Variants in RIMBP2 observed in about 807,000 individuals in gnomAD.
RIMBP2 encodes RIMS-binding protein 2.
Under a neutral mutation model 118.6 loss-of-function variants are expected in RIMBP2, and 48 were observed. The observed-to-expected ratio is 0.40, with a 90% CI of 0.32 to 0.51. The LOEUF is 0.51. RIMBP2 is among the 20% of genes least tolerant of loss of function. The probability of loss-of-function intolerance (pLI) is 0.41; values close to 1 mark genes in which losing one functional copy is unlikely to be tolerated. For missense variants in RIMBP2, 1,551 were observed against 1,768.3 expected (o/e 0.88, Z 2.20); for synonymous variants, 762 against 742.9 (o/e 1.03, Z -0.42).
intron 4 of RIMBP2, among the ~76,000 whole-genome samples, chr12:130,498,899 A>T (rs1382346089): frequency 6.6e-6 from 1 of 152,160 alleles, no homozygotes; most frequent in African/African-American, 2.4e-5. Flanking sequence ...CAAATCACTA[A>T]TCTCAGCCAC....
At chr12:130,639,132 A>C (rs1336598056) in intron 1 of RIMBP2, among the ~76,000 whole-genome samples, 1 of 152,172 alleles carries the variant, frequency 6.6e-6, no homozygotes, top group Non-Finnish European at 1.5e-5. Context: ...TCACGCCTGT[A>C]ATCCCAGCAC....
intron 7 of RIMBP2, among the ~76,000 whole-genome samples, chr12:130,455,969 A>C (rs192497473): frequency 1.3e-5 from 2 of 152,188 alleles, no homozygotes; most frequent in Admixed American, 1.3e-4. Flanking sequence ...TCTAAGCAGG[A>C]CTGTGATGGG....
chr12:130,714,842 G>A (rs1300934738), intron 1 of RIMBP2, among the ~76,000 whole-genome samples: 3 of 152,206 alleles, frequency 2.0e-5, no homozygotes, highest in East Asian at 3.9e-4. Flanking sequence ...AGCCCAGCGG[G>A]GGATGAGTCT....
chr12:130,455,978 G>C (rs1469760104), intron 7 of RIMBP2, among the ~76,000 whole-genome samples: 1 of 152,180 alleles, frequency 6.6e-6, no homozygotes, highest in African/African-American at 2.4e-5. Flanking sequence ...GACTGTGATG[G>C]GCGAGGGCTC....
intron 2 of RIMBP2, among the ~76,000 whole-genome samples, chr12:130,615,093 TATATGTGTATTATGTATATATAC>T (rs1303470338): frequency 2.1e-4 from 31 of 147,736 alleles, no homozygotes; most frequent in Non-Finnish European, 4.2e-4. Flanking sequence ...TGTATGTGTA[TATATGTGTATTATGTATATATAC>T]ATATGTGTAT....
intron 2 of RIMBP2, among the ~76,000 whole-genome samples, chr12:130,628,035 C>T (rs1048313695): frequency 2.6e-5 from 4 of 152,190 alleles, no homozygotes; most frequent in Admixed American, 6.5e-5. Context: ...CCTGAATGAA[C>T]TGCCCTGTCC....
intron 4 of RIMBP2, among the ~76,000 whole-genome samples, chr12:130,481,937 AC>A (rs2082050175): frequency 3.6e-5 from 1 of 27,684 alleles, no homozygotes; most frequent in Non-Finnish European, 1.3e-4. Flanking sequence ...CCAAGCCGCC[AC>A]CACCACCACC....
At chr12:130,618,486 T>C (rs1014519642) in intron 2 of RIMBP2, among the ~76,000 whole-genome samples, 1 of 152,060 alleles carries the variant, frequency 6.6e-6, no homozygotes, top group Non-Finnish European at 1.5e-5. Context: ...CAGTCTTAGG[T>C]TTCTCGCCCT....
intron 1 of RIMBP2, among the ~76,000 whole-genome samples, chr12:130,654,541 C>T (rs1400350506): frequency 6.6e-6 from 1 of 152,224 alleles, no homozygotes; most frequent in African/African-American, 2.4e-5. Context: ...AACAATTCCT[C>T]ACCTTCCTGT....
chr12:130,559,071 T>A (rs1350582435), intron 2 of RIMBP2, among the ~76,000 whole-genome samples: 1 of 152,194 alleles, frequency 6.6e-6, no homozygotes, highest in Non-Finnish European at 1.5e-5. Context: ...TGTATGTATT[T>A]ATGGGGTACA....
At chr12:130,405,511 G>C (rs1378113970) in intron 21 of RIMBP2, among the ~76,000 whole-genome samples, 32 of 152,184 alleles carry the variant, frequency 2.1e-4, no homozygotes, top group Admixed American at 2.0e-3. Context: ...TCTGGTCAGG[G>C]AGGGGCAGCT....
In RIMBP2 at chr12:130,446,850, T is replaced by C. The variant is rs1458854715; in HGVS notation, c.582-1581A>G. Among the ~76,000 whole-genome samples the C allele has an allele frequency of 1.3e-5, 2 of 150,296 alleles. No homozygotes were observed. Among genetic ancestry groups the C allele is most frequent in the Non-Finnish European group, 3.0e-5 (2 of 67,506 alleles). ...GTGTGGATGGAGCTTGGTGGAGGAGTTCCAGCAAAGGAGTTTGGTCGGGGA... is the reference window on the plus strand; with the variant it reads ...GTGTGGATGGAGCTTGGTGGAGGAGCTCCAGCAAAGGAGTTTGGTCGGGGA... On this transcript the variant is annotated intron_variant, in intron 9 of 22. Coordinates refer to ENST00000690449, the MANE Select transcript of RIMBP2 (RefSeq NM_001393629.1). This position sits in a 1 kb window ranked among gnomAD's most constrained non-coding sequence, Gnocchi z 4.1.
At chr12:130,580,353 G>A (rs2058385033) in intron 2 of RIMBP2, among the ~76,000 whole-genome samples, 1 of 152,138 alleles carries the variant, frequency 6.6e-6, no homozygotes, top group Non-Finnish European at 1.5e-5. Flanking sequence ...TTCTCATGGT[G>A]GTGAATAAGT....
intron 5 of RIMBP2, among the ~76,000 whole-genome samples, chr12:130,478,603 T>A (rs1983313): frequency 6.6e-6 from 1 of 152,056 alleles, no homozygotes; most frequent in Non-Finnish European, 1.5e-5. Flanking sequence ...TGCACACTGC[T>A]TTTTCCAGAA....
intron 1 of RIMBP2, among the ~76,000 whole-genome samples, chr12:130,713,858 G>A (rs1950141464): frequency 6.6e-6 from 1 of 152,176 alleles, no homozygotes; most frequent in African/African-American, 2.4e-5. Flanking sequence ...CTCAGCCAAA[G>A]GCCAACAGAG....
intron 13 of RIMBP2, among the ~76,000 whole-genome samples, 196 bp from the exon 14 acceptor site, chr12:130,435,076 C>T (rs2077417595): frequency 6.6e-6 from 1 of 151,104 alleles, no homozygotes; most frequent in Non-Finnish European, 1.5e-5. Flanking sequence ...GACAGAGTCT[C>T]ACTCTGTCGC....
Position 130,424,409 on chromosome 12 carries a change from C to T in RIMBP2, c.2862G>A (p.Pro954=), listed in dbSNP as rs573487320. The T allele has an allele frequency of 4.3e-4, 525 of 1,232,746 alleles. 1 individual carries two copies. The highest frequency in any genetic ancestry group is 2.8e-3 in the Middle Eastern group (9 of 3,208). 76.4% of individuals were successfully genotyped at this position (1,232,746 alleles called of 1,614,324 possible). ...TCCGCCGCCGGGCCAGCAGCGGCCT[C>T]GGGCCCCTCCTGCAGGGACAGTGAC... ...GPGHCPCRRG[P]RPLLARRRTL... The change falls in exon 16 of 23, where the codon CCG becomes CCA. Residue 954 remains proline (P), a synonymous_variant. Coordinates refer to ENST00000690449, the MANE Select transcript of RIMBP2 (RefSeq NM_001393629.1). The surrounding 1 kb of genome is among the most constrained non-coding windows in gnomAD (Gnocchi z 9.8).
intron 2 of RIMBP2, among the ~76,000 whole-genome samples, chr12:130,566,914 T>A (rs977267465): frequency 6.6e-6 from 1 of 152,178 alleles, no homozygotes; most frequent in Admixed American, 6.5e-5. Context: ...AGCCTTCATG[T>A]TTTTCAGCTC....
At chr12:130,647,300 T>C (rs1383359226) in intron 1 of RIMBP2, among the ~76,000 whole-genome samples, 4 of 151,674 alleles carry the variant, frequency 2.6e-5, no homozygotes, top group East Asian at 3.9e-4. Context: ...GGGGTGGAGG[T>C]TGCAGTGAGC....
Sources: allele counts gnomAD v4.1 joint callset (sites outside exome capture counted in the v4.1 genomes callset), GRCh38; gene constraint gnomAD v4.1.1; non-coding constraint Gnocchi (gnomAD v3.1); transcripts MANE v1.5; gene names NCBI Gene and HGNC (gene_info 2026-07-23, HGNC 2026-07-21).